Variants in FBXL7 observed in about 807,000 individuals in gnomAD.
The protein encoded by FBXL7 is F-box/LRR-repeat protein 7.
FBXL7 carries 12 observed loss-of-function variants against 38.3 expected under a neutral mutation model. The ratio of observed to expected loss-of-function variants is 0.31; its 90% CI spans 0.20 to 0.51. The LOEUF (loss-of-function observed/expected upper bound fraction) is 0.51, where lower values mean the gene tolerates loss of function less well. Ranked by LOEUF, FBXL7 falls within the 20% of genes least tolerant of loss-of-function variation. The pLI is 0.98. For synonymous variants in FBXL7, 297 were observed against 300.9 expected, an observed-to-expected ratio of 0.99 and a Z score of 0.13; for missense variants, 567 against 676.4, an observed-to-expected ratio of 0.84 and a Z score of 1.79.
chr5:15,802,455 C>T (rs1737595227), intron 2 of FBXL7, among the ~76,000 whole-genome samples: 1 of 152,054 alleles, frequency 6.6e-6, no homozygotes, highest in South Asian at 2.1e-4. Flanking sequence ...AAACAGTGTC[C>T]AGCCATGTAT....
At chr5:15,688,206 C>T (rs1743076827) in intron 2 of FBXL7, among the ~76,000 whole-genome samples, 1 of 152,076 alleles carries the variant, frequency 6.6e-6, no homozygotes, top group African/African-American at 2.4e-5. Context: ...TTTTAGGATA[C>T]TAAAGGGGAC....
At chr5:15,627,838 C>G (rs1044605982) in intron 2 of FBXL7, among the ~76,000 whole-genome samples, 1 of 152,144 alleles carries the variant, frequency 6.6e-6, no homozygotes, top group Non-Finnish European at 1.5e-5. Context: ...TGTTTACTTC[C>G]TCTTTGACTA....
At chr5:15,920,357 G>A (rs919340778) in intron 2 of FBXL7, among the ~76,000 whole-genome samples, 8 of 152,132 alleles carry the variant, frequency 5.3e-5, no homozygotes, top group Non-Finnish European at 7.3e-5. Context: ...TATATTAAAT[G>A]ATCCAATAAA....
At chr5:15,856,106 G>T (rs1203765986) in intron 2 of FBXL7, among the ~76,000 whole-genome samples, 2 of 152,068 alleles carry the variant, frequency 1.3e-5, no homozygotes, top group African/African-American at 4.8e-5. Flanking sequence ...CATGTGGCTG[G>T]GGAGATCTCA....
intron 1 of FBXL7, among the ~76,000 whole-genome samples, chr5:15,572,322 C>A (rs1355751403): frequency 6.8e-6 from 1 of 146,530 alleles, no homozygotes; most frequent in Non-Finnish European, 1.5e-5. Context: ...TAAAATGTTA[C>A]ATGCAAGGAT....
In FBXL7 at chr5:15,928,776, A is replaced by G. The variant is rs891793988; in HGVS notation, c.739+275A>G. On this transcript the variant is annotated intron_variant, in intron 3 of 3. Coordinates refer to ENST00000504595, the MANE Select transcript of FBXL7 (RefSeq NM_012304.5). This position sits in a 1 kb window ranked among gnomAD's most constrained non-coding sequence, Gnocchi z 4.0. ...TGTGCACAACGTGCAGGTTAGTTAC[A>G]TATGTATACATGTGCCATGTTGGTG... Among the ~76,000 whole-genome samples, 1 of 152,066 alleles carries G rather than the reference A, an allele frequency of 6.6e-6. No individual in the cohort carries two copies. Among genetic ancestry groups the G allele is most frequent in the Admixed American group, 6.5e-5 (1 of 15,270 alleles).
chr5:15,620,116 GTA>G (rs1393594307), intron 2 of FBXL7, among the ~76,000 whole-genome samples: 1 of 152,110 alleles, frequency 6.6e-6, no homozygotes, highest in Non-Finnish European at 1.5e-5. Context: ...GCACAGCTCA[GTA>G]AATTTAGTAA....
At chr5:15,709,157 G>A (rs115311199) in intron 2 of FBXL7, among the ~76,000 whole-genome samples, 23 of 152,292 alleles carry the variant, frequency 1.5e-4, no homozygotes, top group African/African-American at 5.3e-4. Flanking sequence ...GACAAGTACC[G>A]TGGACACATA....
chr5:15,762,167 T>C (rs913530885), intron 2 of FBXL7, among the ~76,000 whole-genome samples: 1 of 152,136 alleles, frequency 6.6e-6, no homozygotes, highest in African/African-American at 2.4e-5. Context: ...TTTTCACAGG[T>C]TGTGAGGATG....
chr5:15,829,820 G>T, intron 2 of FBXL7, among the ~76,000 whole-genome samples: 1 of 152,090 alleles, frequency 6.6e-6, no homozygotes, highest in East Asian at 1.9e-4. Context: ...TCACCATTTT[G>T]TTATTAAAAT....
intron 2 of FBXL7, among the ~76,000 whole-genome samples, chr5:15,625,089 C>G (rs150414770): frequency 2.1e-4 from 32 of 152,144 alleles, no homozygotes; most frequent in Admixed American, 3.3e-4. Flanking sequence ...CAATAAGTGT[C>G]TTTTCTTTAT....
chr5:15,600,737 G>A (rs527766800), intron 1 of FBXL7, among the ~76,000 whole-genome samples: 2 of 152,130 alleles, frequency 1.3e-5, no homozygotes, highest in Admixed American at 1.3e-4. Flanking sequence ...ATGAAAGGAG[G>A]AGAATCAATG....
chr5:15,518,852 T>G (rs1239113273), intron 1 of FBXL7, among the ~76,000 whole-genome samples: 1 of 152,190 alleles, frequency 6.6e-6, no homozygotes, highest in East Asian at 1.9e-4. Context: ...GTTCATTCCT[T>G]TCTTAATTCC....
chr5:15,782,009 G>A (rs1387066821), intron 2 of FBXL7, among the ~76,000 whole-genome samples: 2 of 152,050 alleles, frequency 1.3e-5, no homozygotes, highest in Admixed American at 1.3e-4. Flanking sequence ...GGCCCCTGGT[G>A]TATGATGTTC....
chr5:15,590,102 G>A (rs1265920827), intron 1 of FBXL7, among the ~76,000 whole-genome samples: 1 of 152,156 alleles, frequency 6.6e-6, no homozygotes, highest in Non-Finnish European at 1.5e-5. Context: ...AGGAAGATAT[G>A]CTTGGAAGAG....
chr5:15,829,085 A>G (rs566363088), intron 2 of FBXL7, among the ~76,000 whole-genome samples: 7 of 152,210 alleles, frequency 4.6e-5, no homozygotes, highest in Admixed American at 1.3e-4. Flanking sequence ...GCCCCGCATT[A>G]TTAGGTTTTT....
At chr5:15,618,028 G>A (rs1314110002) in intron 2 of FBXL7, among the ~76,000 whole-genome samples, 1 of 152,064 alleles carries the variant, frequency 6.6e-6, no homozygotes, top group African/African-American at 2.4e-5. Context: ...GGTTGGGGGA[G>A]GGTAGTGTGG....
chr5:15,768,347 C>T (rs972776870), intron 2 of FBXL7, among the ~76,000 whole-genome samples: 2 of 151,922 alleles, frequency 1.3e-5, no homozygotes, highest in African/African-American at 2.4e-5. Context: ...CTGGCTAACA[C>T]GGTGAAACCC....
chr5:15,829,619 C>T (rs776885156), intron 2 of FBXL7, among the ~76,000 whole-genome samples: 14 of 152,066 alleles, frequency 9.2e-5, no homozygotes, highest in East Asian at 7.7e-4. Flanking sequence ...CAAAATCATA[C>T]GCAATTATTT....
Sources: allele counts gnomAD v4.1 joint callset (sites outside exome capture counted in the v4.1 genomes callset), GRCh38; gene constraint gnomAD v4.1.1; non-coding constraint Gnocchi (gnomAD v3.1); transcripts MANE v1.5; gene names NCBI Gene and HGNC (gene_info 2026-07-23, HGNC 2026-07-21).